SNX9: variants seen among roughly 807,000 people sequenced by gnomAD.
The protein encoded by SNX9 is sorting nexin-9.
SNX9 carries 44 observed loss-of-function variants against 89.4 expected under a neutral mutation model. That is an observed-to-expected ratio of 0.49 (90% confidence interval 0.39 to 0.63). SNX9 has a LOEUF of 0.63. Among genes scored for constraint, SNX9 ranks in the 30% least tolerant of loss-of-function variants. The probability of loss-of-function intolerance (pLI) is 0.00; values close to 1 mark genes in which losing one functional copy is unlikely to be tolerated. For missense variants in SNX9, 578 were observed against 736.1 expected (o/e 0.79, Z 2.49); for synonymous variants, 236 against 247.8 (o/e 0.95, Z 0.45).
rs1318047275 is a variant in SNX9, at chr6:157,944,877, T to C, written c.*2039T>C. The stretch of plus-strand genomic sequence containing the variant: ...AAAGCAGAGGGAATGTGAAAGAAAA[T>C]AAGAGAATCCACGGGATTTGATGCC... On this transcript the variant is annotated 3_prime_UTR_variant, in exon 18 of 18. Transcript: ENST00000392185. The C allele has an allele frequency of 6.6e-6, 1 of 152,118 alleles. No individual in the cohort carries two copies. Among genetic ancestry groups the C allele is most frequent in the Non-Finnish European group, 1.5e-5 (1 of 68,002 alleles). 9.4% of individuals were successfully genotyped at this position (152,118 alleles called of 1,614,324 possible).
chr6:157,918,006 A>G (rs930389371), intron 9 of SNX9, among the ~76,000 whole-genome samples: 2 of 152,010 alleles, frequency 1.3e-5, no homozygotes, highest in Non-Finnish European at 2.9e-5. Context: ...GTCCTCTTAC[A>G]TTTATTGAGA....
At chr6:157,840,448 T>TTTCC (rs1213628131) in intron 1 of SNX9, among the ~76,000 whole-genome samples, 14 of 150,570 alleles carry the variant, frequency 9.3e-5, no homozygotes, top group Admixed American at 5.9e-4. Flanking sequence ...CTTTCTTTCC[T>TTTCC]TTCCTTCCTT....
At chr6:157,886,962 A>G (rs1332540562) in intron 4 of SNX9, among the ~76,000 whole-genome samples, 1 of 152,156 alleles carries the variant, frequency 6.6e-6, no homozygotes, top group Non-Finnish European at 1.5e-5. Context: ...TTGCTCTTAA[A>G]TAGTGCTAAG....
chr6:157,873,624 T>G (rs1286817773), intron 3 of SNX9, among the ~76,000 whole-genome samples: 1 of 147,970 alleles, frequency 6.8e-6, no homozygotes, highest in African/African-American at 2.4e-5. Context: ...ATAAATTATA[T>G]AAATTATAAA....
intron 1 of SNX9, among the ~76,000 whole-genome samples, chr6:157,863,313 G>C (rs953613544): frequency 6.6e-6 from 1 of 152,220 alleles, no homozygotes; most frequent in Admixed American, 6.5e-5. Flanking sequence ...GCAGATGTGT[G>C]CTTGCACACT....
intron 16 of SNX9, among the ~76,000 whole-genome samples, chr6:157,940,216 T>C (rs567123913): frequency 6.6e-6 from 1 of 152,386 alleles, no homozygotes; most frequent in East Asian, 1.9e-4. Context: ...AGCTGCCTGC[T>C]AGGTCCAGTG....
chr6:157,920,393 C>T (rs1783559524), intron 9 of SNX9, among the ~76,000 whole-genome samples: 1 of 152,216 alleles, frequency 6.6e-6, no homozygotes, highest in South Asian at 2.1e-4. Context: ...AACATGGCAT[C>T]TCCCATCACT....
chr6:157,929,528 A>G (rs374869341), intron 12 of SNX9, among the ~76,000 whole-genome samples: 47 of 152,216 alleles, frequency 3.1e-4, no homozygotes, highest in African/African-American at 1.1e-3. Context: ...CCTCTAGAGA[A>G]CAGGGCCTTC....
Position 157,863,474 on chromosome 6 carries a change from G to A in SNX9, c.13-4073G>A, listed in dbSNP as rs555764264. 1.9e-4 allele frequency among the ~76,000 whole-genome samples: 29 copies of A among 152,360 alleles called. 1 individual carries two copies. In the South Asian group the frequency reaches 6.0e-3, roughly 32 times the overall value. ...CATCTGTAATACTTTTTGAAAGGAA[G>A]AGATTAGTTGTGGTTGACAATATAT... On this transcript the variant is annotated intron_variant, in intron 1 of 17. Coordinates refer to ENST00000392185, the MANE Select transcript of SNX9 (RefSeq NM_016224.5).
At chr6:157,827,026 AT>A (rs1460513229) in intron 1 of SNX9, among the ~76,000 whole-genome samples, 2 of 17,434 alleles carry the variant, frequency 1.1e-4, no homozygotes, top group East Asian at 1.1e-3. Context: ...TATATAATAT[AT>A]ACATATATAT....
chr6:157,941,027 T>TC, intron 17 of SNX9, 53 bp downstream of exon 17: 1 of 1,436,196 alleles, frequency 7.0e-7, no homozygotes, highest in Non-Finnish European at 9.8e-7. Context: ...GGGTTCCTGG[T>TC]AAACCACTTT....
At chr6:157,903,597 A>G (rs1783151264) in intron 6 of SNX9, among the ~76,000 whole-genome samples, 1 of 152,262 alleles carries the variant, frequency 6.6e-6, no homozygotes, top group African/African-American at 2.4e-5. Context: ...GAAAATTCAT[A>G]TAAATTAGCC....
At chr6:157,921,396 T>A (rs1454743406) in intron 9 of SNX9, 135 bp from the exon 10 acceptor site, 1 of 830,868 alleles carries the variant, frequency 1.2e-6, no homozygotes, top group Non-Finnish European at 1.8e-6. Context: ...GTTAAAAATC[T>A]CCATGGTTTA....
chr6:157,924,266 C>T (rs1356306520), intron 10 of SNX9: 1 of 151,678 alleles, frequency 6.6e-6, no homozygotes, highest in East Asian at 1.9e-4. Flanking sequence ...AAAAAAAATC[C>T]CAGAGGTAAA....
intron 4 of SNX9, among the ~76,000 whole-genome samples, chr6:157,880,057 T>A (rs1385718720): frequency 1.3e-5 from 2 of 152,220 alleles, no homozygotes; most frequent in African/African-American, 2.4e-5. Context: ...CTGGCCTCTG[T>A]CACATGCTCT....
chr6:157,864,975 C>T (rs1170691551), intron 1 of SNX9, among the ~76,000 whole-genome samples: 1 of 151,898 alleles, frequency 6.6e-6, no homozygotes, highest in African/African-American at 2.4e-5. Flanking sequence ...TTGCAGTGAG[C>T]TGAGACTTGC....
intron 4 of SNX9, among the ~76,000 whole-genome samples, chr6:157,890,159 A>G (rs925849596): frequency 6.6e-6 from 1 of 152,214 alleles, no homozygotes. Context: ...CTAGTGTACC[A>G]GGATTCGTCT....
chr6:157,867,655 G>A (rs755360163), intron 2 of SNX9, 22 bp downstream of exon 2: 1 of 1,554,664 alleles, frequency 6.4e-7, no homozygotes, highest in African/African-American at 1.4e-5. Flanking sequence ...GTACATTCGA[G>A]TCTGATTGTC....
At chr6:157,863,835 A>C (rs919309191) in intron 1 of SNX9, among the ~76,000 whole-genome samples, 2 of 152,218 alleles carry the variant, frequency 1.3e-5, no homozygotes, top group Non-Finnish European at 2.9e-5. Context: ...AAGCTTTAGC[A>C]TCTCTAGGCT....
Sources: allele counts gnomAD v4.1 joint callset (sites outside exome capture counted in the v4.1 genomes callset), GRCh38; gene constraint gnomAD v4.1.1; transcripts MANE v1.5; gene names NCBI Gene and HGNC (gene_info 2026-07-23, HGNC 2026-07-21).